CTNNA3: variants seen among roughly 807,000 people sequenced by gnomAD.
CTNNA3 encodes catenin alpha 3.
A neutral mutation model predicts 95.7 loss-of-function variants in CTNNA3; 76 were observed. That is an observed-to-expected ratio of 0.79 (90% CI 0.66 to 0.96). CTNNA3 has a LOEUF of 0.96. Ranked by LOEUF, CTNNA3 falls within the 40% of genes least tolerant of loss-of-function variation. The probability of loss-of-function intolerance (pLI) is 0.00; values close to 1 mark genes in which losing one functional copy is unlikely to be tolerated. For missense variants in CTNNA3, 1,191 were observed against 1,089.8 expected (o/e 1.09, Z -1.31); for synonymous variants, 431 against 374.4 (o/e 1.15, Z -1.74).
chr10:67,391,254 A>G (rs1844469728), intron 5 of CTNNA3, among the ~76,000 whole-genome samples: 1 of 151,948 alleles, frequency 6.6e-6, no homozygotes, highest in African/African-American at 2.4e-5. Flanking sequence ...ATTCTTATAC[A>G]CCAACAACAG....
rs1841756119 is a variant in CTNNA3 at position 66,539,067 on chromosome 10, G to T, written c.1375-18294C>A. Among the ~76,000 whole-genome samples, 2 of 152,032 alleles carry T rather than the reference G, an allele frequency of 1.3e-5. 1 individual carries two copies. The highest frequency in any genetic ancestry group is 4.1e-4 in the South Asian group (2 of 4,824). ...TTGTCATAATTATATTACTCATAGA[G>T]TTGTTTAAAACCTTGTTGTTCAAAG... On this transcript the variant is annotated intron_variant, in intron 10 of 17. Transcript: ENST00000433211.
At chr10:66,916,820 C>T (rs1846518251) in intron 7 of CTNNA3, among the ~76,000 whole-genome samples, 1 of 152,120 alleles carries the variant, frequency 6.6e-6, no homozygotes, top group African/African-American at 2.4e-5. Flanking sequence ...AAACTCCACA[C>T]CCTGGTGTCA....
intron 9 of CTNNA3, among the ~76,000 whole-genome samples, chr10:66,711,581 C>T (rs1250466451): frequency 6.6e-6 from 1 of 152,030 alleles, no homozygotes; most frequent in African/African-American, 2.4e-5. Flanking sequence ...CAGAGTCTCA[C>T]TCTGTCATCC....
chr10:67,183,847 T>C (rs1862704106), intron 6 of CTNNA3, among the ~76,000 whole-genome samples: 1 of 152,170 alleles, frequency 6.6e-6, no homozygotes, highest in Non-Finnish European at 1.5e-5. Flanking sequence ...ACCAGCTATT[T>C]AGTCTACCTC....
chr10:67,558,641 A>G (rs1290925853), intron 3 of CTNNA3, among the ~76,000 whole-genome samples: 1 of 152,180 alleles, frequency 6.6e-6, no homozygotes, highest in Non-Finnish European at 1.5e-5. Flanking sequence ...TGGGCACAGG[A>G]CAGTGGGTGC....
chr10:66,794,358 T>G (rs1841106631), intron 7 of CTNNA3, among the ~76,000 whole-genome samples: 2 of 152,130 alleles, frequency 1.3e-5, no homozygotes, highest in South Asian at 4.1e-4. Flanking sequence ...TCACATGGGT[T>G]TTTTGGTTTC....
intron 13 of CTNNA3, among the ~76,000 whole-genome samples, chr10:66,177,436 C>T (rs986293602): frequency 2.6e-5 from 4 of 151,704 alleles, no homozygotes; most frequent in Non-Finnish European, 4.4e-5. Context: ...TCAAGAACAA[C>T]ACTGCATTTT....
At chr10:67,077,401 C>CCA (rs1856797783) in intron 7 of CTNNA3, among the ~76,000 whole-genome samples, 1 of 152,132 alleles carries the variant, frequency 6.6e-6, no homozygotes, top group Non-Finnish European at 1.5e-5. Flanking sequence ...GCCCTGATGG[C>CCA]TTTTTGAGTC....
At chr10:66,306,086 C>T (rs2091929635) in intron 12 of CTNNA3, among the ~76,000 whole-genome samples, 1 of 152,160 alleles carries the variant, frequency 6.6e-6, no homozygotes, top group African/African-American at 2.4e-5. Context: ...AAAAAACTGT[C>T]ACATACCTAA....
At position 67,458,038 on chromosome 10, in the gene CTNNA3, A is replaced by G. The variant is rs1244129927; in HGVS notation, c.579+63804T>C. On this transcript the variant is annotated intron_variant, in intron 5 of 17. Coordinates refer to ENST00000433211, the MANE Select transcript of CTNNA3 (RefSeq NM_013266.4). The stretch of plus-strand genomic sequence containing the variant: ...TTGGGGGGTCTATTATTATGCTACC[A>G]CATCATCATATAGAGTGTGAGAATT... 3.3e-5 allele frequency among the ~76,000 whole-genome samples: 5 copies of G among 152,116 alleles called. No individual in the cohort carries two copies. In the East Asian group the frequency reaches 9.6e-4, roughly 29 times the overall value.
intron 9 of CTNNA3, among the ~76,000 whole-genome samples, chr10:66,729,184 A>G (rs1445894946): frequency 6.6e-6 from 1 of 152,244 alleles, no homozygotes; most frequent in Non-Finnish European, 1.5e-5. Flanking sequence ...ACATGGAGCC[A>G]ACAAACATAT....
At chr10:66,217,352 C>CAA (rs34541755) in intron 13 of CTNNA3, among the ~76,000 whole-genome samples, 3,643 of 128,088 alleles carry the variant, frequency 0.028, 105 homozygotes, top group African/African-American at 0.079. Flanking sequence ...GACTCTATCT[C>CAA]AAAAAAAAAA....
chr10:66,669,463 A>C (rs979839866), intron 9 of CTNNA3, among the ~76,000 whole-genome samples: 3 of 152,092 alleles, frequency 2.0e-5, no homozygotes, highest in Non-Finnish European at 2.9e-5. Flanking sequence ...GAATCACTTG[A>C]ACCGGGAGGC....
intron 9 of CTNNA3, among the ~76,000 whole-genome samples, chr10:66,700,864 A>G (rs182851647): frequency 6.6e-6 from 1 of 152,164 alleles, no homozygotes; most frequent in African/African-American, 2.4e-5. Flanking sequence ...ATATTCTCAC[A>G]TCGGAAGAAA....
At chr10:67,717,030 G>A (rs1032935561) in intron 1 of CTNNA3, among the ~76,000 whole-genome samples, 4 of 152,090 alleles carry the variant, frequency 2.6e-5, no homozygotes, top group East Asian at 1.9e-4. Flanking sequence ...GGTATGAGAC[G>A]GTATCTCATC....
chr10:67,039,824 G>T (rs1854284236), intron 7 of CTNNA3, among the ~76,000 whole-genome samples: 1 of 152,076 alleles, frequency 6.6e-6, no homozygotes, highest in Non-Finnish European at 1.5e-5. Flanking sequence ...GATAATTATT[G>T]ATTGCTATGT....
At position 67,087,655 on chromosome 10, in the gene CTNNA3, G is replaced by A. The variant is rs142981445; in HGVS notation, c.1047+92662C>T. ...CAGTGCCATGTGCCTCATCATTAGTGTGGATTTCTGCTCACTCATTTTAGC... is the reference window on the plus strand; with the variant it reads ...CAGTGCCATGTGCCTCATCATTAGTATGGATTTCTGCTCACTCATTTTAGC... On this transcript the variant is annotated intron_variant, in intron 7 of 17. Transcript: ENST00000433211. Among the ~76,000 whole-genome samples the A allele has an allele frequency of 1.8e-3, 277 of 152,070 alleles. 3 individuals carry two copies. Among genetic ancestry groups the A allele is most frequent in the African/African-American group, 5.8e-3 (241 of 41,530 alleles).
At chr10:66,722,880 C>T (rs1425120463) in intron 9 of CTNNA3, among the ~76,000 whole-genome samples, 2 of 151,972 alleles carry the variant, frequency 1.3e-5, no homozygotes, top group African/African-American at 2.4e-5. Flanking sequence ...GCATGACAGT[C>T]CTTGTTTAGG....
intron 1 of CTNNA3, among the ~76,000 whole-genome samples, chr10:67,748,283 A>G (rs1841384026): frequency 6.6e-6 from 1 of 152,126 alleles, no homozygotes; most frequent in South Asian, 2.1e-4. Context: ...TGAGAAGATC[A>G]CCCCAAGAAA....
Sources: allele counts gnomAD v4.1 joint callset (sites outside exome capture counted in the v4.1 genomes callset), GRCh38; gene constraint gnomAD v4.1.1; transcripts MANE v1.5; gene names NCBI Gene and HGNC (gene_info 2026-07-23, HGNC 2026-07-21).